Variants in PCBP3 observed in about 807,000 individuals in gnomAD.
PCBP3 encodes the protein poly(rC) binding protein 3.
PCBP3 carries 25 observed loss-of-function variants against 52.7 expected under a neutral mutation model. That is an observed-to-expected ratio of 0.47 (90% CI 0.35 to 0.66). The LOEUF (loss-of-function observed/expected upper bound fraction) is 0.66, where lower values mean the gene tolerates loss of function less well. Among genes scored for constraint, PCBP3 ranks in the 30% least tolerant of loss-of-function variants. PCBP3 has a pLI of 0.01. For missense variants in PCBP3, 391 were observed against 490.3 expected (o/e 0.80, Z 1.91); for synonymous variants, 162 against 183.0 (o/e 0.89, Z 0.93).
At chr21:45,940,785 C>G (rs1413646551) in intron 17 of PCBP3, among the ~76,000 whole-genome samples, 1 of 152,114 alleles carries the variant, frequency 6.6e-6, no homozygotes, top group East Asian at 1.9e-4. Flanking sequence ...CCAGCCCCGC[C>G]AGGCACACTG....
chr21:45,909,740 C>CCCACCCACTGCCCAGATACGGACCCGG (rs2096294536), intron 10 of PCBP3, among the ~76,000 whole-genome samples: 2 of 141,304 alleles, frequency 1.4e-5, no homozygotes, highest in African/African-American at 5.3e-5. Flanking sequence ...ACAGACCTGG[C>CCCACCCACTGCCCAGATACGGACCCGG]CCACCCACTG....
chr21:45,822,700 A>AGGGGCGGACCCAGCAG (rs2093177955), intron 4 of PCBP3, among the ~76,000 whole-genome samples: 1 of 151,840 alleles, frequency 6.6e-6, no homozygotes, highest in African/African-American at 2.4e-5. Flanking sequence ...TAGGAGAGTG[A>AGGGGCGGACCCAGCAG]GGGACAGGGT....
chr21:45,647,172 C>G (rs946075747), intron 1 of PCBP3, among the ~76,000 whole-genome samples: 1 of 152,158 alleles, frequency 6.6e-6, no homozygotes, highest in Non-Finnish European at 1.5e-5. Flanking sequence ...TTGTTATGAT[C>G]ATCTGAACTG....
rs181415621 is a variant in PCBP3 at position 45,837,518 on chromosome 21, G to A, written c.-125-12443G>A. Among the ~76,000 whole-genome samples the A allele has an allele frequency of 2.0e-5, 3 of 152,124 alleles. No individual in the cohort carries two copies. Among genetic ancestry groups the A allele is most frequent in the South Asian group, 4.1e-4 (2 of 4,822 alleles). ...TACGTGCCTGTGGAAATTCTCCTGCGGGCGGTTTCATGTCGAAGGCCTACC... is the reference window on the plus strand; with the variant it reads ...TACGTGCCTGTGGAAATTCTCCTGCAGGCGGTTTCATGTCGAAGGCCTACC... On this transcript the variant is annotated intron_variant, in intron 4 of 17. Coordinates refer to ENST00000681687, the MANE Select transcript of PCBP3 (RefSeq NM_001384156.1). This position sits in a 1 kb window ranked among gnomAD's most constrained non-coding sequence, Gnocchi z 4.1.
intron 2 of PCBP3, among the ~76,000 whole-genome samples, chr21:45,691,437 C>T (rs58368336): frequency 2.3e-5 from 3 of 129,596 alleles, no homozygotes; most frequent in African/African-American, 9.1e-5. Flanking sequence ...ATATATATAT[C>T]ATATATATGT....
chr21:45,675,177 G>A (rs1222182938), intron 2 of PCBP3, among the ~76,000 whole-genome samples: 5 of 152,152 alleles, frequency 3.3e-5, no homozygotes, highest in Non-Finnish European at 7.3e-5. Flanking sequence ...TCTTCCTTCT[G>A]TCATTTCCAA....
At chr21:45,804,188 C>T (rs773873828) in intron 4 of PCBP3, among the ~76,000 whole-genome samples, 91 of 152,304 alleles carry the variant, frequency 6.0e-4, no homozygotes, top group Non-Finnish European at 6.6e-4. Context: ...GGCACCTACA[C>T]GTTGGTTCCC....
chr21:45,813,166 A>T, intron 4 of PCBP3, among the ~76,000 whole-genome samples: 1 of 152,062 alleles, frequency 6.6e-6, no homozygotes, highest in Admixed American at 6.6e-5. Flanking sequence ...TAGACCACTC[A>T]CTATTGTCAC....
At chr21:45,767,332 C>A (rs1403732703) in intron 4 of PCBP3, among the ~76,000 whole-genome samples, 1 of 152,194 alleles carries the variant, frequency 6.6e-6, no homozygotes, top group African/African-American at 2.4e-5. Context: ...TCACTTGCAT[C>A]CTGTTTTTGA....
chr21:45,931,228 G>A (rs1710102635), intron 15 of PCBP3, among the ~76,000 whole-genome samples: 1 of 152,356 alleles, frequency 6.6e-6, no homozygotes, highest in East Asian at 1.9e-4. Context: ...GATACTGTGG[G>A]GTAGCACATA....
intron 4 of PCBP3, among the ~76,000 whole-genome samples, chr21:45,831,552 T>C (rs1394183722): frequency 6.6e-6 from 1 of 152,208 alleles, no homozygotes; most frequent in Non-Finnish European, 1.5e-5. Flanking sequence ...AAGAATTTCA[T>C]AGCTTTTCAA....
intron 2 of PCBP3, among the ~76,000 whole-genome samples, chr21:45,725,913 A>G (rs1370069601): frequency 1.3e-5 from 2 of 152,086 alleles, no homozygotes; most frequent in African/African-American, 4.8e-5. Flanking sequence ...GCAGGAGATG[A>G]GGTCAGGAGA....
At chr21:45,723,997 C>T (rs2084847004) in intron 2 of PCBP3, among the ~76,000 whole-genome samples, 2 of 152,132 alleles carry the variant, frequency 1.3e-5, no homozygotes, top group Admixed American at 6.6e-5. Flanking sequence ...GTTTTAAATT[C>T]TAGCTCCCCC....
intron 1 of PCBP3, among the ~76,000 whole-genome samples, chr21:45,667,314 T>C (rs1193949346): frequency 1.3e-5 from 2 of 151,984 alleles, no homozygotes; most frequent in Non-Finnish European, 2.9e-5. Context: ...GGCCATCTGT[T>C]GGTATTCTTG....
chr21:45,730,361 A>G (rs1035134726), intron 2 of PCBP3, among the ~76,000 whole-genome samples: 2 of 151,952 alleles, frequency 1.3e-5, no homozygotes, highest in Non-Finnish European at 2.9e-5. Context: ...CCTGTTTTCT[A>G]ATTTAATTGA....
At chr21:45,927,273 TCCTCTCCCTC>T (rs2075548876) in intron 13 of PCBP3, among the ~76,000 whole-genome samples, 1 of 111,068 alleles carries the variant, frequency 9.0e-6, no homozygotes, top group African/African-American at 3.8e-5. Context: ...CCTCCTACCC[TCCTCTCCCTC>T]CCTCTCCCCC....
At chr21:45,655,216 C>T (rs1406277720) in intron 1 of PCBP3, among the ~76,000 whole-genome samples, 3 of 152,042 alleles carry the variant, frequency 2.0e-5, no homozygotes, top group Non-Finnish European at 4.4e-5. Context: ...TCTTGGTTTA[C>T]ACTAGAAGTA....
At chr21:45,808,127 A>G (rs936747812) in intron 4 of PCBP3, among the ~76,000 whole-genome samples, 4 of 152,252 alleles carry the variant, frequency 2.6e-5, no homozygotes, top group Admixed American at 6.5e-5. Flanking sequence ...CATTCAGGAC[A>G]TAGGCATGGG....
chr21:45,854,651 C>A (rs756484216), intron 5 of PCBP3, among the ~76,000 whole-genome samples: 8 of 152,248 alleles, frequency 5.3e-5, no homozygotes, highest in Non-Finnish European at 1.2e-4. Flanking sequence ...CATCAGTGGA[C>A]AGGAAGGCTT....
Sources: gnomAD v4.1 joint callset for allele counts (sites outside exome capture counted in the v4.1 genomes callset) on GRCh38, gnomAD v4.1.1 for gene constraint, Gnocchi (gnomAD v3.1) non-coding constraint, MANE v1.5 for transcripts, NCBI Gene and HGNC (gene_info 2026-07-23, HGNC 2026-07-21) for gene names.